Variants in TENM3 observed in about 807,000 individuals in gnomAD.
The protein encoded by TENM3 is teneurin transmembrane protein 3.
In TENM3, 63 loss-of-function variants were observed where a neutral mutation model predicts 255.1. That is an observed-to-expected ratio of 0.25 (90% CI 0.20 to 0.30). The LOEUF (loss-of-function observed/expected upper bound fraction) is 0.30. TENM3 is among the 10% of genes least tolerant of loss of function. The probability of loss-of-function intolerance (pLI) is 1.00; values close to 1 mark genes in which losing one functional copy is unlikely to be tolerated. For missense variants in TENM3, 2,929 were observed against 3,461.1 expected (o/e 0.85, Z 3.86); for synonymous variants, 1,306 against 1,322.3 (o/e 0.99, Z 0.27).
the TENM3 span, among the ~76,000 whole-genome samples, chr4:181,575,782 G>A: frequency 6.6e-5 from 10 of 152,140 alleles, no homozygotes; most frequent in East Asian, 1.9e-4. Context: ...CCTGACTTCC[G>A]CTGCTCCATT....
chr4:181,514,870 C>T, the TENM3 span, among the ~76,000 whole-genome samples: 1 of 152,190 alleles, frequency 6.6e-6, no homozygotes, highest in Non-Finnish European at 1.5e-5. Context: ...AGGCAACACA[C>T]TAGGCATTTC....
chr4:181,685,903 G>A, the TENM3 span, among the ~76,000 whole-genome samples: 26 of 152,272 alleles, frequency 1.7e-4, no homozygotes, highest in South Asian at 1.7e-3. Context: ...TAGGGAACAC[G>A]TTTAATTGTA....
rs1246390762 is a variant in TENM3 at position 182,800,621 on chromosome 4, G to T, written c.*270G>T. ...GAAAAAAAAATCATCAAGGACAAAGGCCTCGACCTGTTGCGCTGGGCCGTC... is the reference window on the plus strand; with the variant it reads ...GAAAAAAAAATCATCAAGGACAAAGTCCTCGACCTGTTGCGCTGGGCCGTC... On this transcript the variant is annotated 3_prime_UTR_variant, in exon 28 of 28. Coordinates refer to ENST00000511685, the MANE Select transcript of TENM3 (RefSeq NM_001080477.4). 5.5e-6 allele frequency: 2 copies of T among 361,272 alleles called. No individual in the cohort carries two copies. Among genetic ancestry groups the T allele is most frequent in the Non-Finnish European group, 1.0e-5 (2 of 199,234 alleles). The allele number at this position is 361,272 out of a possible 1,614,324, so 22.4% of individuals were successfully genotyped here.
chr4:181,807,227 C>T, the TENM3 span, among the ~76,000 whole-genome samples: 10 of 152,168 alleles, frequency 6.6e-5, no homozygotes, highest in Admixed American at 6.5e-4. Context: ...TTCACCTTTC[C>T]ATCACTTTGA....
intron 3 of TENM3, among the ~76,000 whole-genome samples, chr4:182,483,703 T>C (rs1317699775): frequency 6.6e-6 from 1 of 152,166 alleles, no homozygotes; most frequent in Non-Finnish European, 1.5e-5. Flanking sequence ...AGTTTTTCTT[T>C]ATAAAGAAAA....
the TENM3 span, among the ~76,000 whole-genome samples, chr4:181,667,571 G>T: frequency 6.6e-6 from 1 of 152,136 alleles, no homozygotes; most frequent in South Asian, 2.1e-4. Context: ...ATGGAGGGGA[G>T]TGGATTTCTT....
the TENM3 span, among the ~76,000 whole-genome samples, chr4:181,767,273 AAAG>A: frequency 2.1e-5 from 3 of 145,822 alleles, no homozygotes; most frequent in Admixed American, 6.8e-5. Flanking sequence ...AAAAAAAAAG[AAAG>A]AAAACAAAAT....
At chr4:182,197,193 C>A (rs1753883478) in intron 1 of TENM3, among the ~76,000 whole-genome samples, 1 of 152,232 alleles carries the variant, frequency 6.6e-6, no homozygotes, top group Non-Finnish European at 1.5e-5. Flanking sequence ...ACCAGTTACA[C>A]TGCAGCGGGC....
At chr4:181,986,498 G>A in the TENM3 span, among the ~76,000 whole-genome samples, 1 of 152,020 alleles carries the variant, frequency 6.6e-6, no homozygotes, top group African/African-American at 2.4e-5. Context: ...TGATAATTAA[G>A]AACATCCTCA....
chr4:182,344,927 C>G (rs1764706861), intron 2 of TENM3, among the ~76,000 whole-genome samples: 1 of 152,214 alleles, frequency 6.6e-6, no homozygotes, highest in Admixed American at 6.5e-5. Flanking sequence ...ATGATTTTAA[C>G]ATGCTAACAA....
the TENM3 span, among the ~76,000 whole-genome samples, chr4:181,828,852 A>C: frequency 6.6e-6 from 1 of 152,132 alleles, no homozygotes; most frequent in Non-Finnish European, 1.5e-5. Flanking sequence ...GGCCTCCCAA[A>C]GTGCTGGGAT....
the TENM3 span, among the ~76,000 whole-genome samples, chr4:182,006,261 C>T: frequency 1.3e-5 from 2 of 151,608 alleles, no homozygotes; most frequent in African/African-American, 4.8e-5. Context: ...TTTATTGACT[C>T]CCTCCTTTTC....
At chr4:182,395,667 A>G (rs1365232039) in intron 3 of TENM3, among the ~76,000 whole-genome samples, 1 of 152,232 alleles carries the variant, frequency 6.6e-6, no homozygotes, top group Non-Finnish European at 1.5e-5. Context: ...ATAAATGCAT[A>G]TGCTTTTTAA....
At chr4:181,676,053 A>C in the TENM3 span, among the ~76,000 whole-genome samples, 20 of 151,582 alleles carry the variant, frequency 1.3e-4, no homozygotes, top group African/African-American at 4.8e-4. Flanking sequence ...GAGCACTCTT[A>C]AAGTGTTATG....
the TENM3 span, among the ~76,000 whole-genome samples, chr4:181,773,898 C>T: frequency 3.3e-5 from 5 of 152,018 alleles, no homozygotes; most frequent in Admixed American, 6.6e-5. Flanking sequence ...CAGTATTCCC[C>T]GTGAAGAAAT....
the TENM3 span, among the ~76,000 whole-genome samples, chr4:181,862,437 C>T: frequency 6.6e-6 from 1 of 152,060 alleles, no homozygotes; most frequent in Non-Finnish European, 1.5e-5. Flanking sequence ...CCCTTTCCAT[C>T]TCTTTTTATC....
At chr4:182,244,148 T>G (rs1296609695) in intron 1 of TENM3, among the ~76,000 whole-genome samples, 1 of 150,876 alleles carries the variant, frequency 6.6e-6, no homozygotes, top group Admixed American at 6.6e-5. Flanking sequence ...AGAGACGGGG[T>G]TTCACCATTT....
the TENM3 span, among the ~76,000 whole-genome samples, chr4:181,576,240 C>A: frequency 8.5e-5 from 13 of 152,122 alleles, no homozygotes; most frequent in African/African-American, 3.1e-4. Flanking sequence ...AAAATAATGG[C>A]CTCCAGTTCC....
intron 22 of TENM3, among the ~76,000 whole-genome samples, chr4:182,769,739 G>T (rs564464977): frequency 3.4e-5 from 5 of 145,750 alleles, no homozygotes; most frequent in African/African-American, 1.3e-4. Flanking sequence ...AGCCAAGATC[G>T]CACCACTGTA....
Sources: allele counts gnomAD v4.1 joint callset (sites outside exome capture counted in the v4.1 genomes callset), GRCh38; gene constraint gnomAD v4.1.1; transcripts MANE v1.5; gene names NCBI Gene and HGNC (gene_info 2026-07-23, HGNC 2026-07-21).